MPP7: variants seen among roughly 807,000 people sequenced by gnomAD.
MPP7 encodes the protein MAGUK p55 scaffold protein 7, also known as MAGUK p55 subfamily member 7.
A neutral mutation model predicts 76.5 loss-of-function variants in MPP7; 60 were observed. That is an observed-to-expected ratio of 0.78 (90% confidence interval 0.64 to 0.97). The LOEUF (loss-of-function observed/expected upper bound fraction) is 0.97, where lower values mean the gene tolerates loss of function less well. Ranked by LOEUF, MPP7 falls within the 50% of genes least tolerant of loss-of-function variation. MPP7 has a pLI of 0.00. For synonymous variants in MPP7, 237 were observed against 244.5 expected (o/e 0.97, Z 0.29); for missense variants, 641 against 694.0 (o/e 0.92, Z 0.86).
At chr10:28,123,881 A>T in intron 8 of MPP7, 150 bp downstream of exon 8, 1 of 606,776 alleles carries the variant, frequency 1.6e-6, no homozygotes, top group African/African-American at 1.8e-5. Context: ...GAATAGATTA[A>T]GATATTTTCC....
At chr10:28,259,441 G>A (rs755916554) in intron 1 of MPP7, among the ~76,000 whole-genome samples, 45 of 151,914 alleles carry the variant, frequency 3.0e-4, no homozygotes, top group Non-Finnish European at 4.4e-4. Context: ...TTAGCCAGGC[G>A]TCATGGTGCA....
At chr10:28,251,780 G>A (rs1014644135) in intron 1 of MPP7, among the ~76,000 whole-genome samples, 10 of 152,002 alleles carry the variant, frequency 6.6e-5, no homozygotes, top group African/African-American at 2.2e-4. Context: ...CATTTAGCCA[G>A]GCAGGATAGC....
intron 1 of MPP7, among the ~76,000 whole-genome samples, chr10:28,251,638 T>A (rs1015402546): frequency 6.6e-6 from 1 of 152,166 alleles, no homozygotes; most frequent in African/African-American, 2.4e-5. Flanking sequence ...AAAGAAAGTA[T>A]CTTCATTGCA....
At chr10:28,316,235 G>A (rs770886906) in intron 2 of MPP7, among the ~76,000 whole-genome samples, 3 of 151,818 alleles carry the variant, frequency 2.0e-5, no homozygotes, top group African/African-American at 4.8e-5. Context: ...TCAGACATTC[G>A]AGACCAGCCT....
chr10:28,111,961 G>A (rs1588787142), intron 11 of MPP7, among the ~76,000 whole-genome samples: 1 of 152,028 alleles, frequency 6.6e-6, no homozygotes, highest in African/African-American at 2.4e-5. Flanking sequence ...ACAGAATAGT[G>A]GCCAAAGAAA....
chr10:28,238,151 A>G (rs990600675), intron 2 of MPP7, among the ~76,000 whole-genome samples: 1 of 152,080 alleles, frequency 6.6e-6, no homozygotes, highest in African/African-American at 2.4e-5. Flanking sequence ...TGGGGTAAGG[A>G]TAATGTTTTA....
intron 12 of MPP7, among the ~76,000 whole-genome samples, chr10:28,072,596 C>A (rs1852290592): frequency 6.6e-6 from 1 of 152,220 alleles, no homozygotes; most frequent in Non-Finnish European, 1.5e-5. Flanking sequence ...ATTCTCTGCA[C>A]CCCAAATCCT....
intron 12 of MPP7, among the ~76,000 whole-genome samples, chr10:28,070,073 TAG>T (rs1852166871): frequency 6.6e-6 from 1 of 152,210 alleles, no homozygotes; most frequent in Admixed American, 6.5e-5. Flanking sequence ...TCAAAAAGGA[TAG>T]AAAGATTTAT....
intron 1 of MPP7, among the ~76,000 whole-genome samples, chr10:28,299,766 C>CTTCTTTTT (rs1841109837): frequency 7.5e-6 from 1 of 132,750 alleles, no homozygotes; most frequent in African/African-American, 2.9e-5. Flanking sequence ...AAATTCAAGA[C>CTTCTTTTT]TTTTTTTTTT....
intron 1 of MPP7, among the ~76,000 whole-genome samples, chr10:28,239,657 T>C (rs1839201203): frequency 6.6e-6 from 1 of 152,226 alleles, no homozygotes; most frequent in Non-Finnish European, 1.5e-5. Flanking sequence ...CTTTGCTTTA[T>C]CTGGAAAAAT....
chr10:28,128,981 C>T (rs567254501), intron 6 of MPP7, among the ~76,000 whole-genome samples: 3 of 152,176 alleles, frequency 2.0e-5, no homozygotes, highest in Non-Finnish European at 4.4e-5. Flanking sequence ...CTTGCTATCC[C>T]CTGATTCTAC....
At chr10:28,274,779 C>T (rs77559760) in intron 1 of MPP7, among the ~76,000 whole-genome samples, 8,922 of 152,252 alleles carry the variant, frequency 0.059, 419 homozygotes, top group African/African-American at 0.11. Flanking sequence ...TGAAAATAAA[C>T]TCTTCATCAC....
chr10:28,064,198 A>T (rs1356946375), intron 13 of MPP7, among the ~76,000 whole-genome samples: 1 of 152,206 alleles, frequency 6.6e-6, no homozygotes, highest in Non-Finnish European at 1.5e-5. Flanking sequence ...ATCCTCATCA[A>T]CAGGTGCATG....
intron 1 of MPP7, among the ~76,000 whole-genome samples, chr10:28,252,156 T>C (rs1008128085): frequency 2.6e-5 from 4 of 152,228 alleles, no homozygotes; most frequent in African/African-American, 4.8e-5. Context: ...ATCAAACTCC[T>C]GTGATTAGCA....
At chr10:28,288,228 G>C (rs376436159) in intron 1 of MPP7, among the ~76,000 whole-genome samples, 1 of 152,016 alleles carries the variant, frequency 6.6e-6, no homozygotes. Context: ...TATACAAAAG[G>C]GTTATTATGT....
chr10:28,058,723 A>G, intron 14 of MPP7, 120 bp from the exon 15 acceptor site: 1 of 497,564 alleles, frequency 2.0e-6, no homozygotes, highest in Admixed American at 3.6e-5. Context: ...AACTGTGTTT[A>G]ATAATATAAA....
intron 2 of MPP7, among the ~76,000 whole-genome samples, chr10:28,207,944 G>A (rs1838001642): frequency 6.6e-6 from 1 of 152,126 alleles, no homozygotes; most frequent in Admixed American, 6.6e-5. Flanking sequence ...GTTTGCATCA[G>A]TCATGGTCCA....
At chr10:28,080,551 G>A (rs1434907255) in intron 12 of MPP7, among the ~76,000 whole-genome samples, 1 of 152,074 alleles carries the variant, frequency 6.6e-6, no homozygotes, top group Non-Finnish European at 1.5e-5. Flanking sequence ...ATATGGTTTT[G>A]GTCCATCTTC....
At chr10:28,105,406 C>T (rs1463401883) in intron 11 of MPP7, among the ~76,000 whole-genome samples, 1 of 152,112 alleles carries the variant, frequency 6.6e-6, no homozygotes, top group Admixed American at 6.6e-5. Flanking sequence ...TGGTAACTGA[C>T]AACCTGTCTC....
Sources: allele counts gnomAD v4.1 joint callset (sites outside exome capture counted in the v4.1 genomes callset), GRCh38; gene constraint gnomAD v4.1.1; transcripts MANE v1.5; gene names NCBI Gene and HGNC (gene_info 2026-07-23, HGNC 2026-07-21).